Variants in SRPK2 observed in about 807,000 individuals in gnomAD.
SRPK2 encodes SFRS protein kinase 2.
In SRPK2, 21 loss-of-function variants were observed where a neutral mutation model predicts 90.8. That is an observed-to-expected ratio of 0.23 (90% CI 0.16 to 0.33). The LOEUF (loss-of-function observed/expected upper bound fraction) is 0.33, where lower values mean the gene tolerates loss of function less well. SRPK2 is among the 10% of genes least tolerant of loss of function. SRPK2 has a pLI of 1.00. For missense variants in SRPK2, 620 were observed against 869.0 expected (o/e 0.71, Z 3.60); for synonymous variants, 288 against 311.1 (o/e 0.93, Z 0.78).
intron 1 of SRPK2, among the ~76,000 whole-genome samples, chr7:105,396,772 GAA>G (rs1184040168): frequency 9.6e-5 from 10 of 103,990 alleles, no homozygotes; most frequent in Non-Finnish European, 1.6e-4. Context: ...GAGAGAGAAA[GAA>G]AGAGAGAGAA....
intron 3 of SRPK2, among the ~76,000 whole-genome samples, chr7:105,181,698 C>T (rs932570310): frequency 6.6e-6 from 1 of 151,988 alleles, no homozygotes; most frequent in South Asian, 2.1e-4. Context: ...AGGGGAACAA[C>T]AGACACTGGG....
chr7:105,398,279 T>A (rs576474177), intron 1 of SRPK2, among the ~76,000 whole-genome samples: 1 of 152,290 alleles, frequency 6.6e-6, no homozygotes, highest in South Asian at 2.1e-4. Context: ...CACTAAATCA[T>A]GTTGCATCTT....
intron 13 of SRPK2, 131 bp from the exon 14 acceptor site, chr7:105,127,193 C>G: frequency 1.4e-6 from 1 of 710,486 alleles, no homozygotes; most frequent in Non-Finnish European, 2.3e-6. Context: ...TGAAAGTGCT[C>G]AATACTAATT....
chr7:105,188,523 A>G (rs1228824621), intron 3 of SRPK2, among the ~76,000 whole-genome samples: 2 of 152,202 alleles, frequency 1.3e-5, no homozygotes, highest in Non-Finnish European at 2.9e-5. Flanking sequence ...ATGAGGGAAA[A>G]AATAGCATGT....
At chr7:105,336,535 TAG>T (rs1815109735) in intron 2 of SRPK2, among the ~76,000 whole-genome samples, 3 of 152,320 alleles carry the variant, frequency 2.0e-5, no homozygotes, top group African/African-American at 7.2e-5. Context: ...GTTGATTTCT[TAG>T]GACTGAAAAC....
At chr7:105,138,031 G>T (rs1803139402) in intron 11 of SRPK2, among the ~76,000 whole-genome samples, 2 of 152,092 alleles carry the variant, frequency 1.3e-5, no homozygotes, top group African/African-American at 2.4e-5. Flanking sequence ...TACATCCCTA[G>T]AATTTGCCAA....
rs1402768404 is a variant in SRPK2, at chr7:105,278,503, T to A, written c.72-74718A>T. On this transcript the variant is annotated intron_variant, in intron 2 of 15. Coordinates refer to ENST00000393651, the MANE Select transcript of SRPK2 (RefSeq NM_182692.3). ...AGCCTGGCCAACACGGTGAACCCCATCTCTAATAAAAATACAAAAAAAAAA... is the reference window on the plus strand; with the variant it reads ...AGCCTGGCCAACACGGTGAACCCCAACTCTAATAAAAATACAAAAAAAAAA... 3.0e-5 allele frequency among the ~76,000 whole-genome samples: 4 copies of A among 131,674 alleles called. No homozygotes were observed. In the East Asian group the frequency reaches 8.5e-4, roughly 28 times the overall value. The allele number at this position is 131,674 out of a possible 152,430, so 86.4% of individuals were successfully genotyped here. A position where few individuals can be genotyped will look rare whatever the true frequency, so the allele number is the denominator to read the frequency against.
At chr7:105,310,706 C>T (rs1811610339) in intron 2 of SRPK2, among the ~76,000 whole-genome samples, 1 of 152,076 alleles carries the variant, frequency 6.6e-6, no homozygotes, top group South Asian at 2.1e-4. Context: ...AATTTTGGAT[C>T]ACCCATAATC....
intron 2 of SRPK2, among the ~76,000 whole-genome samples, chr7:105,210,088 T>G (rs1366837694): frequency 6.6e-6 from 1 of 152,218 alleles, no homozygotes; most frequent in African/African-American, 2.4e-5. Flanking sequence ...GGCAACCAGA[T>G]GAGAGTTCCG....
At chr7:105,193,974 G>T (rs1338723487) in intron 3 of SRPK2, among the ~76,000 whole-genome samples, 2 of 152,140 alleles carry the variant, frequency 1.3e-5, no homozygotes, top group East Asian at 3.8e-4. Context: ...TCTCACTCTT[G>T]AAGTTCCCTC....
chr7:105,138,642 A>G (rs1803241674), intron 11 of SRPK2, among the ~76,000 whole-genome samples: 1 of 152,146 alleles, frequency 6.6e-6, no homozygotes, highest in African/African-American at 2.4e-5. Flanking sequence ...TCTCTACCAA[A>G]AATATAAAAG....
intron 2 of SRPK2, among the ~76,000 whole-genome samples, chr7:105,344,840 T>TAAAAAAA (rs35086357): frequency 7.1e-6 from 1 of 141,332 alleles, no homozygotes; most frequent in Non-Finnish European, 1.5e-5. Context: ...CACTCACACT[T>TAAAAAAA]AAAAAAAAAA....
intron 2 of SRPK2, among the ~76,000 whole-genome samples, chr7:105,375,855 A>G (rs370521687): frequency 6.6e-6 from 1 of 152,054 alleles, no homozygotes; most frequent in East Asian, 1.9e-4. Context: ...GGTATTTTAA[A>G]ACATGCAACT....
chr7:105,249,775 A>T (rs1173021566), intron 2 of SRPK2, among the ~76,000 whole-genome samples: 1 of 152,222 alleles, frequency 6.6e-6, no homozygotes, highest in Non-Finnish European at 1.5e-5. Flanking sequence ...ATGCTTTTGA[A>T]TAGCAAATAA....
At chr7:105,359,460 C>A (rs986336790) in intron 2 of SRPK2, among the ~76,000 whole-genome samples, 1 of 152,044 alleles carries the variant, frequency 6.6e-6, no homozygotes, top group African/African-American at 2.4e-5. Context: ...GCCAGGCCCA[C>A]AGCACTATTT....
At chr7:105,311,836 CTA>C (rs1232924918) in intron 2 of SRPK2, among the ~76,000 whole-genome samples, 1 of 152,172 alleles carries the variant, frequency 6.6e-6, no homozygotes, top group Non-Finnish European at 1.5e-5. Context: ...AAAAATTAAT[CTA>C]TGACCCAGCA....
At chr7:105,379,434 CA>C (rs1169799273) in intron 2 of SRPK2, among the ~76,000 whole-genome samples, 16 of 151,958 alleles carry the variant, frequency 1.1e-4, no homozygotes, top group African/African-American at 3.4e-4. Flanking sequence ...GTCCCAGAAC[CA>C]ATCCTCCAAG....
intron 2 of SRPK2, among the ~76,000 whole-genome samples, chr7:105,301,124 C>T (rs1175835511): frequency 6.6e-6 from 1 of 152,160 alleles, no homozygotes; most frequent in Non-Finnish European, 1.5e-5. Flanking sequence ...ACCCAAATGT[C>T]CATCAATGAT....
intron 3 of SRPK2, among the ~76,000 whole-genome samples, chr7:105,201,038 T>C (rs1335978950): frequency 1.3e-5 from 2 of 152,196 alleles, no homozygotes; most frequent in Non-Finnish European, 2.9e-5. Flanking sequence ...TATTCAGGGA[T>C]GATAAAACAC....
Sources: gnomAD v4.1 joint callset for allele counts (sites outside exome capture counted in the v4.1 genomes callset) on GRCh38, gnomAD v4.1.1 for gene constraint, MANE v1.5 for transcripts, NCBI Gene and HGNC (gene_info 2026-07-23, HGNC 2026-07-21) for gene names.